The following TSKU variants were observed in gnomAD, a reference collection of about 807,000 sequenced individuals.
TSKU encodes tsukushi, small leucine rich proteoglycan.
In TSKU, 4 loss-of-function variants were observed where a neutral mutation model predicts 11.2. That is an observed-to-expected ratio of 0.36 (90% CI 0.18 to 0.82). The LOEUF is 0.82. TSKU is among the 40% of genes least tolerant of loss of function. The probability of loss-of-function intolerance (pLI) is 0.50; values close to 1 mark genes in which losing one functional copy is unlikely to be tolerated. For missense variants in TSKU, 407 were observed against 482.5 expected, an observed-to-expected ratio of 0.84 and a Z score of 1.47; for synonymous variants, 220 against 232.2, an observed-to-expected ratio of 0.95 and a Z score of 0.48.
Position 76,795,661 on chromosome 11 carries a change from G to C in TSKU, c.45G>C (p.Gln15His). The C allele has an allele frequency of 6.2e-7, 1 of 1,613,652 alleles. No homozygotes were observed. The highest frequency in any genetic ancestry group is 1.1e-5 in the South Asian group (1 of 91,076). The change falls in exon 2 of 2, where the codon CAG becomes CAC. Residue 15 changes from glutamine (Q) to histidine (H), a missense_variant. Physicochemically the swap from Gln to His is conservative, Grantham distance 24. Transcript: ENST00000333090. ...TGCTGCTGGCCGTGAGTGGGGCCCA[G>C]ACAACCCGGCCATGCTTCCCCGGGT... ...LLLLLAVSGA[Q>H]TTRPCFPGCQ...
At position 76,795,664 on chromosome 11, in the gene TSKU, A is replaced by C. The variant is rs774059117; in HGVS notation, c.48A>C (p.Thr16=). ...LLLLAVSGAQ[T]TRPCFPGCQC... ...TGCTGGCCGTGAGTGGGGCCCAGACAACCCGGCCATGCTTCCCCGGGTGCC... is the reference window on the plus strand; with the variant it reads ...TGCTGGCCGTGAGTGGGGCCCAGACCACCCGGCCATGCTTCCCCGGGTGCC... Residue 16 remains threonine (T), a synonymous_variant, in exon 2 of 2, where the codon ACA becomes ACC. Coordinates refer to ENST00000333090, the MANE Select transcript of TSKU (RefSeq NM_015516.4). 1.9e-6 allele frequency: 3 copies of C among 1,613,748 alleles called. No homozygotes were observed. The highest frequency in any genetic ancestry group is 2.5e-6 in the Non-Finnish European group (3 of 1,180,002).
At chr11:76,794,004 C>T (rs548083783) in intron 1 of TSKU, among the ~76,000 whole-genome samples, 5 of 152,166 alleles carry the variant, frequency 3.3e-5, no homozygotes, top group Non-Finnish European at 7.4e-5. Flanking sequence ...TCTCCTCCCC[C>T]TCTCTCACCT....
chr11:76,784,821 A>G (rs1194028856), intron 1 of TSKU, among the ~76,000 whole-genome samples: 1 of 148,172 alleles, frequency 6.7e-6, no homozygotes, highest in African/African-American at 2.5e-5. Context: ...AACCGTAAAC[A>G]CCCTCCTCCC....
At chr11:76,789,328 C>G (rs562454105) in intron 1 of TSKU, among the ~76,000 whole-genome samples, 2 of 152,170 alleles carry the variant, frequency 1.3e-5, no homozygotes, top group South Asian at 4.1e-4. Flanking sequence ...ACAGGTGCCT[C>G]GTGCATGGGA....
Position 76,796,393 on chromosome 11 carries a change from G to T in TSKU, c.777G>T (p.Leu259=), listed in dbSNP as rs759131346. 6.2e-7 allele frequency: 1 copy of T among 1,613,454 alleles called. No individual in the cohort carries two copies. Among genetic ancestry groups the T allele is most frequent in the Non-Finnish European group, 8.5e-7 (1 of 1,179,980 alleles). Residue 259 remains leucine (L), a synonymous_variant, in exon 2 of 2, where the codon CTG becomes CTT. Coordinates refer to ENST00000333090, the MANE Select transcript of TSKU (RefSeq NM_015516.4). This position sits in a 1 kb window ranked among gnomAD's most constrained non-coding sequence, Gnocchi z 4.1. ...GFRELPGLQV[L]DLSGNPKLNW... is the part of the protein sequence containing the mutation. ...GTGAGCTACCGGGCCTGCAGGTCCT[G>T]GACCTGTCGGGCAACCCCAAGCTTA...
Position 76,796,615 on chromosome 11 carries a change from C to G in TSKU, c.999C>G (p.Pro333=). The G allele has an allele frequency of 6.7e-7, 1 of 1,490,566 alleles. No individual in the cohort carries two copies. Among genetic ancestry groups the G allele is most frequent in the Non-Finnish European group, 8.9e-7 (1 of 1,119,392 alleles). 92.3% of individuals were successfully genotyped at this position (1,490,566 alleles called of 1,614,324 possible). ...GTYPRRPGSS[P]KVALHCVDTR... ...ACCCCCGGAGGCCTGGCTCCAGCCC[C>G]AAGGTGGCCCTGCACTGCGTAGACA... is the stretch of plus-strand genomic sequence containing the variant. Residue 333 remains proline (P), a synonymous_variant, in exon 2 of 2, where the codon CCC becomes CCG. Coordinates refer to ENST00000333090, the MANE Select transcript of TSKU (RefSeq NM_015516.4). The surrounding 1 kb of genome is among the most constrained non-coding windows in gnomAD (Gnocchi z 4.1).
At chr11:76,785,748 G>A (rs1944305523) in intron 1 of TSKU, among the ~76,000 whole-genome samples, 1 of 152,152 alleles carries the variant, frequency 6.6e-6, no homozygotes, top group African/African-American at 2.4e-5. Context: ...ACAGCAGGGT[G>A]CGGTTGGTAA....
Position 76,797,295 on chromosome 11 carries a change from T to A in TSKU, c.*617T>A, listed in dbSNP as rs920274796. The A allele has an allele frequency of 6.0e-6, 1 of 167,162 alleles. No individual in the cohort carries two copies. Among genetic ancestry groups the A allele is most frequent in the Non-Finnish European group, 1.5e-5 (1 of 68,158 alleles). The allele number at this position is 167,162 out of a possible 1,614,324, so 10.4% of individuals were successfully genotyped here. A position where few individuals can be genotyped will look rare whatever the true frequency, so the allele number is the denominator to read the frequency against. The stretch of plus-strand genomic sequence containing the variant: ...AAGTTCCTGCGGGCAGTGGCATGAC[T>A]GGAGCACAGCCTCCTGCCTCCCAGC... On this transcript the variant is annotated 3_prime_UTR_variant, in exon 2 of 2. Coordinates refer to ENST00000333090, the MANE Select transcript of TSKU (RefSeq NM_015516.4).
intron 1 of TSKU, among the ~76,000 whole-genome samples, chr11:76,786,737 G>C (rs1003103669): frequency 6.6e-6 from 1 of 152,174 alleles, no homozygotes; most frequent in African/African-American, 2.4e-5. Context: ...ATTTGATGCT[G>C]AGCCCTCATT....
Position 76,796,513 on chromosome 11 carries a change from C to T in TSKU, c.897C>T (p.Leu299=). The change falls in exon 2 of 2, where the codon CTC becomes CTT. Residue 299 remains leucine (L), a synonymous_variant. Transcript: ENST00000333090. The surrounding 1 kb of genome is among the most constrained non-coding windows in gnomAD (Gnocchi z 4.1). ...TGGTGCCCCTGCCTGAGGCGCTGCT[C>T]CTCCACCTCCCGGCACTGCAGAGCG... ...TNLVPLPEAL[L]LHLPALQSVS... is the part of the protein sequence containing the mutation. 2 of 1,611,790 alleles carry T rather than the reference C, an allele frequency of 1.2e-6. No homozygotes were observed. The highest frequency in any genetic ancestry group is 1.3e-5 in the African/African-American group (1 of 74,984).
intron 1 of TSKU, among the ~76,000 whole-genome samples, 194 bp from the exon 2 acceptor site, chr11:76,795,415 C>T (rs748786958): frequency 1.3e-5 from 2 of 152,244 alleles, no homozygotes; most frequent in Non-Finnish European, 2.9e-5. Context: ...GGCCTCACGC[C>T]CCTTACCATA....
intron 1 of TSKU, among the ~76,000 whole-genome samples, chr11:76,788,646 C>T (rs1309500791): frequency 6.6e-6 from 1 of 152,180 alleles, no homozygotes; most frequent in East Asian, 1.9e-4. Context: ...TTCAACAAAC[C>T]TGTGTTCTTA....
upstream of TSKU, chr11:76,782,932 C>T: frequency 6.6e-6 from 1 of 152,436 alleles, no homozygotes. Flanking sequence ...CTCTTTCTTA[C>T]TAGCAACTAA....
At chr11:76,791,219 T>C (rs993518830) in intron 1 of TSKU, among the ~76,000 whole-genome samples, 3 of 152,170 alleles carry the variant, frequency 2.0e-5, no homozygotes, top group African/African-American at 7.2e-5. Context: ...TTAAAGGCAT[T>C]CCGTTTTATA....
chr11:76,785,540 G>C (rs1222984497), intron 1 of TSKU, among the ~76,000 whole-genome samples: 1 of 152,224 alleles, frequency 6.6e-6, no homozygotes, highest in Non-Finnish European at 1.5e-5. Flanking sequence ...GGATCAGCAT[G>C]TGCAGGACCT....
At chr11:76,791,904 T>C (rs1176943869) in intron 1 of TSKU, 1 of 152,132 alleles carries the variant, frequency 6.6e-6, no homozygotes, top group Non-Finnish European at 1.5e-5. Context: ...AAATGTGGGG[T>C]TGGAGTAGAG....
At position 76,796,761 on chromosome 11, in the gene TSKU, A is replaced by G. The variant is rs980865562; in HGVS notation, c.*83A>G. 5.3e-6 allele frequency: 6 copies of G among 1,136,684 alleles called. No homozygotes were observed. Among genetic ancestry groups the G allele is most frequent in the Non-Finnish European group, 7.1e-6 (6 of 842,208 alleles). 70.4% of individuals were successfully genotyped at this position (1,136,684 alleles called of 1,614,324 possible). A position where few individuals can be genotyped will look rare whatever the true frequency, so the allele number is the denominator to read the frequency against. ...CGAGTAACTTATGTTCAATGTGCCA[A>G]CACCAGTGGGGAGCCCGCAGGCCTA... On this transcript the variant is annotated 3_prime_UTR_variant, in exon 2 of 2. Transcript: ENST00000333090. The surrounding 1 kb of genome is among the most constrained non-coding windows in gnomAD (Gnocchi z 4.1).
At chr11:76,787,034 T>A (rs1307425501) in intron 1 of TSKU, among the ~76,000 whole-genome samples, 1 of 152,136 alleles carries the variant, frequency 6.6e-6, no homozygotes, top group Non-Finnish European at 1.5e-5. Flanking sequence ...AATACCAACA[T>A]GTGCCAGGCC....
chr11:76,782,813 AT>A (rs1944250947), upstream of TSKU: 1 of 151,532 alleles, frequency 6.6e-6, no homozygotes. Context: ...TCTGCTTCAG[AT>A]TCTTGGTTTC....
Sources: gnomAD v4.1 joint callset for allele counts (sites outside exome capture counted in the v4.1 genomes callset) on GRCh38, gnomAD v4.1.1 for gene constraint, Gnocchi (gnomAD v3.1) non-coding constraint, MANE v1.5 for transcripts, NCBI Gene and HGNC (gene_info 2026-07-23, HGNC 2026-07-21) for gene names.